WFS1: variants seen among roughly 807,000 people sequenced by gnomAD.
WFS1 encodes wolframin.
WFS1 carries 90 observed loss-of-function variants against 68.5 expected under a neutral mutation model. The observed-to-expected ratio is 1.31, with a 90% confidence interval of 1.11 to 1.56. The LOEUF is 1.56. WFS1 is among the 40% of genes most tolerant of loss of function. The probability of loss-of-function intolerance (pLI) is 0.00; values close to 1 mark genes in which losing one functional copy is unlikely to be tolerated. For synonymous variants in WFS1, 860 were observed against 540.7 expected, an observed-to-expected ratio of 1.59 and a Z score of -8.19; for missense variants, 1,767 against 1,232.6, an observed-to-expected ratio of 1.43 and a Z score of -6.49.
intron 7 of WFS1, among the ~76,000 whole-genome samples, chr4:6,300,040 G>A (rs1230688561): frequency 1.3e-5 from 2 of 152,044 alleles, no homozygotes; most frequent in Non-Finnish European, 2.9e-5. Context: ...AGGGAGGGCA[G>A]CTCACCCGGC....
chr4:6,294,413 A>G lies in WFS1; in HGVS notation c.713-628A>G, dbSNP rs549427669. Reference sequence around the variant, plus strand: ...GGTAAGTCGGCCCATGGCAGGACGCATGTTGAATGGACGGGTTAGCAGGCA... The same window carrying G: ...GGTAAGTCGGCCCATGGCAGGACGCGTGTTGAATGGACGGGTTAGCAGGCA... On this transcript the variant is annotated intron_variant, in intron 6 of 7. Transcript: ENST00000226760. 3.3e-5 allele frequency among the ~76,000 whole-genome samples: 5 copies of G among 152,194 alleles called. No homozygotes were observed. In the South Asian group the frequency reaches 8.3e-4, roughly 25 times the overall value.
intron 7 of WFS1, among the ~76,000 whole-genome samples, chr4:6,299,494 G>A (rs1055794984): frequency 6.7e-6 from 1 of 149,954 alleles, no homozygotes; most frequent in Non-Finnish European, 1.5e-5. Context: ...GTGTGCACGT[G>A]TGTGTAGGGG....
chr4:6,289,165 A>T (rs377360274), intron 4 of WFS1, 34 bp downstream of exon 4: 172 of 1,549,058 alleles, frequency 1.1e-4, no homozygotes, highest in Non-Finnish European at 1.4e-4. Context: ...CAGCCTCTGG[A>T]GGGTTGAGCA....
chr4:6,296,825 A>T (rs1730651725), intron 7 of WFS1, among the ~76,000 whole-genome samples: 1 of 152,108 alleles, frequency 6.6e-6, no homozygotes, highest in Non-Finnish European at 1.5e-5. Flanking sequence ...TGAAAATCCT[A>T]TTTATTTATG....
intron 1 of WFS1, among the ~76,000 whole-genome samples, chr4:6,276,735 A>G (rs1730005876): frequency 1.3e-5 from 2 of 152,236 alleles, no homozygotes; most frequent in South Asian, 2.1e-4. Flanking sequence ...GTGGCTTAAA[A>G]CAACAGAGGT....
Position 6,302,980 on chromosome 4 carries a change from C to T in WFS1, c.*512C>T, listed in dbSNP as rs71528900. 0.014 allele frequency: 2,440 copies of T among 176,152 alleles called. 52 individuals carry two copies. Among genetic ancestry groups the T allele is most frequent in the African/African-American group, 0.054 (2,284 of 41,982 alleles). The allele number at this position is 176,152 out of a possible 1,614,324, so 10.9% of individuals were successfully genotyped here. A position where few individuals can be genotyped will look rare whatever the true frequency, so the allele number is the denominator to read the frequency against. Reference sequence around the variant, plus strand: ...CGGCAGCTTGAGCCTGTCACGTGGTCAAGGCCCGGCCCCATCAGAGGCTGG... The same window carrying T: ...CGGCAGCTTGAGCCTGTCACGTGGTTAAGGCCCGGCCCCATCAGAGGCTGG... On this transcript the variant is annotated 3_prime_UTR_variant, in exon 8 of 8. Coordinates refer to ENST00000226760, the MANE Select transcript of WFS1 (RefSeq NM_006005.3).
At chr4:6,298,243 G>C (rs1296079123) in intron 7 of WFS1, among the ~76,000 whole-genome samples, 2 of 152,224 alleles carry the variant, frequency 1.3e-5, no homozygotes, top group Non-Finnish European at 2.9e-5. Context: ...TCGTGTAGCT[G>C]TTGATTTTAG....
At position 6,302,013 on chromosome 4, in the gene WFS1, C is replaced by A; in HGVS notation, c.2218C>A (p.Pro740Thr). The change falls in exon 8 of 8, where the codon CCT (proline) becomes ACT (threonine). Residue 740 changes from proline to threonine, a missense_variant. Physicochemically the swap from Pro to Thr is conservative, Grantham distance 38 (BLOSUM62 -1). Transcript: ENST00000226760. ...WMRCLYGEAY[P>T]ACSPGNTSTA... Reference sequence around the variant, plus strand: ...GCGCTGCCTCTACGGCGAGGCCTACCCTGCCTGCAGCCCTGGCAACACCTC... The same window carrying A: ...GCGCTGCCTCTACGGCGAGGCCTACACTGCCTGCAGCCCTGGCAACACCTC... The A allele has an allele frequency of 1.9e-6, 3 of 1,612,766 alleles. No homozygotes were observed. The highest frequency in any genetic ancestry group is 3.3e-5 in the Admixed American group (2 of 60,002).
At chr4:6,271,155 A>C (rs1255799951) in intron 1 of WFS1, among the ~76,000 whole-genome samples, 2 of 152,210 alleles carry the variant, frequency 1.3e-5, no homozygotes, top group African/African-American at 4.8e-5. Flanking sequence ...CACCTTTGTC[A>C]CTGTCGCCAC....
In WFS1 at chr4:6,287,340, A is replaced by G. The variant is rs1730344404; in HGVS notation, c.315+165A>G. The G allele has an allele frequency of 4.5e-6, 3 of 673,110 alleles. 1 individual carries two copies. The highest frequency in any genetic ancestry group is 3.3e-5 in the South Asian group (2 of 61,154). 41.7% of individuals were successfully genotyped at this position (673,110 alleles called of 1,614,324 possible). ...TGAGCCCCATGTTGGTAGGGTGCCC[A>G]TGTTCACTGTGCCAGTTTTCCTCCT... is the stretch of plus-strand genomic sequence containing the variant. On this transcript the variant is annotated intron_variant, in intron 3 of 7. Transcript: ENST00000226760. This position sits in a 1 kb window ranked among gnomAD's most constrained non-coding sequence, Gnocchi z 6.4.
intron 2 of WFS1, among the ~76,000 whole-genome samples, chr4:6,281,122 A>T (rs1272397561): frequency 6.6e-6 from 1 of 152,206 alleles, no homozygotes; most frequent in East Asian, 1.9e-4. Flanking sequence ...TGGCAGCCAC[A>T]GGGACACAGA....
At chr4:6,288,570 C>A (rs1324371247) in intron 3 of WFS1, 1 of 281,642 alleles carries the variant, frequency 3.6e-6, no homozygotes, top group Admixed American at 4.8e-5. Flanking sequence ...AGGCAGTGGG[C>A]CAGTGCTAAC....
chr4:6,270,024 T>G lies in WFS1; in HGVS notation c.-6+10T>G, dbSNP rs1409810793. The G allele has an allele frequency of 7.4e-6, 1 of 134,822 alleles. No individual in the cohort carries two copies. Among genetic ancestry groups the G allele is most frequent in the African/African-American group, 3.2e-5 (1 of 31,738 alleles). 8.4% of individuals were successfully genotyped at this position (134,822 alleles called of 1,614,324 possible). A position where few individuals can be genotyped will look rare whatever the true frequency, so the allele number is the denominator to read the frequency against. ...GCCCACTCACGGGCCGGTGAGTACT[T>G]CGGCGCTGGGGCAGTGGCGCGGTGG... On this transcript the variant is annotated intron_variant, in intron 1 of 7. Transcript: ENST00000226760.
At position 6,301,128 on chromosome 4, in the gene WFS1, C is replaced by T. The variant is rs764932308; in HGVS notation, c.1333C>T (p.Leu445=). ...CGGCTTCTTTACCGTGACCAGCTAC[C>T]TGAGCCTGAGCACCCATGCAGAGCC... ...ITGFFTVTSY[L]SLSTHAEPYT... The change falls in exon 8 of 8, where the codon CTG becomes TTG. Residue 445 remains leucine (L), a synonymous_variant. Coordinates refer to ENST00000226760, the MANE Select transcript of WFS1 (RefSeq NM_006005.3). 4 of 1,613,344 alleles carry T rather than the reference C, an allele frequency of 2.5e-6. No individual in the cohort carries two copies. In the East Asian group the frequency reaches 6.7e-5, roughly 27 times the overall value.
In WFS1 at chr4:6,289,114, G is replaced by C. The variant is rs1277482652; in HGVS notation, c.443G>C (p.Cys148Ser). ...RREAVKLLRR[C>S]LADRRGITSE... ...GAGGCTGTGAAGCTGCTTCGCCGGT[G>C]CTTGGCGGACAGAAGAGGTGGGTCT... Residue 148 changes from cysteine (C) to serine (S), a missense_variant, in exon 4 of 8, where the codon TGC (cysteine) becomes TCC (serine). Cys to Ser is a moderately radical substitution (Grantham distance 112). Transcript: ENST00000226760. 1.3e-6 allele frequency: 2 copies of C among 1,578,916 alleles called. No homozygotes were observed. The highest frequency in any genetic ancestry group is 4.7e-5 in the East Asian group (2 of 42,942).
intron 2 of WFS1, among the ~76,000 whole-genome samples, chr4:6,284,972 C>T (rs1730269658): frequency 6.6e-6 from 1 of 151,220 alleles, no homozygotes; most frequent in Non-Finnish European, 1.5e-5. Context: ...CGCTGGGGGG[C>T]TGGCAGGGTG....
rs1801210 is a variant in WFS1 at position 6,301,550 on chromosome 4, C to A, written c.1755C>A (p.Phe585Leu). The change falls in exon 8 of 8, where the codon TTC (phenylalanine) becomes TTA (leucine). Residue 585 changes from phenylalanine to leucine, a missense_variant. By Grantham distance (22) the Phe-to-Leu change is conservative. Coordinates refer to ENST00000226760, the MANE Select transcript of WFS1 (RefSeq NM_006005.3). ...AGLALVGVLQ[F>L]ARWFTSLELT... ...TGGCCCTGGTGGGCGTGCTGCAGTT[C>A]GCCCGGTGGTTCACGTCTCTGGAGC... The A allele has an allele frequency of 6.2e-7, 1 of 1,614,068 alleles. No homozygotes were observed. Among genetic ancestry groups the A allele is most frequent in the South Asian group, 1.1e-5 (1 of 91,080 alleles).
rs202232817 is a variant in WFS1, at chr4:6,287,186, C to T, written c.315+11C>T. Reference sequence around the variant, plus strand: ...AAGGCACAGACTGAGGTGAGGACTGCGGTGCCGGCAGGGACTTCGGGACGC... The same window carrying T: ...AAGGCACAGACTGAGGTGAGGACTGTGGTGCCGGCAGGGACTTCGGGACGC... On this transcript the variant is annotated intron_variant, in intron 3 of 7. Coordinates refer to ENST00000226760, the MANE Select transcript of WFS1 (RefSeq NM_006005.3). This position sits in a 1 kb window ranked among gnomAD's most constrained non-coding sequence, Gnocchi z 6.4. 43 of 1,553,910 alleles carry T rather than the reference C, an allele frequency of 2.8e-5. No homozygotes were observed. Among genetic ancestry groups the T allele is most frequent in the East Asian group, 2.6e-4 (11 of 41,872 alleles).
At chr4:6,294,156 C>T (rs993562755) in intron 6 of WFS1, among the ~76,000 whole-genome samples, 1 of 152,194 alleles carries the variant, frequency 6.6e-6, no homozygotes, top group Non-Finnish European at 1.5e-5. Context: ...AGCACCCTGG[C>T]TTGTCTCCCT....
Sources: gnomAD v4.1 joint callset for allele counts (sites outside exome capture counted in the v4.1 genomes callset) on GRCh38, gnomAD v4.1.1 for gene constraint, Gnocchi (gnomAD v3.1) non-coding constraint, MANE v1.5 for transcripts, NCBI Gene and HGNC (gene_info 2026-07-23, HGNC 2026-07-21) for gene names.